RIC1: variants seen among roughly 807,000 people sequenced by gnomAD.
RIC1 encodes the protein RIC1 partner of RAB6A GEF complex.
RIC1 carries 88 observed loss-of-function variants against 169.0 expected under a neutral mutation model. That is an observed-to-expected ratio of 0.52 (90% CI 0.44 to 0.62). RIC1 has a LOEUF of 0.62. Among genes scored for constraint, RIC1 ranks in the 20% least tolerant of loss-of-function variants. The probability of loss-of-function intolerance (pLI) is 0.00; values close to 1 mark genes in which losing one functional copy is unlikely to be tolerated. For synonymous variants in RIC1, 790 were observed against 601.5 expected, an observed-to-expected ratio of 1.31 and a Z score of -4.59; for missense variants, 1,877 against 1,725.5, an observed-to-expected ratio of 1.09 and a Z score of -1.56.
intron 1 of RIC1, among the ~76,000 whole-genome samples, chr9:5,645,027 A>G (rs1818433390): frequency 6.6e-6 from 1 of 152,144 alleles, no homozygotes; most frequent in African/African-American, 2.4e-5. Context: ...ATCTTATTCC[A>G]TTTATATATC....
chr9:5,638,133 T>C (rs903416225), intron 1 of RIC1, among the ~76,000 whole-genome samples: 2 of 152,234 alleles, frequency 1.3e-5, no homozygotes, highest in Non-Finnish European at 2.9e-5. Flanking sequence ...ATTCTGTTGA[T>C]ATGATGTATC....
chr9:5,764,209 TAAG>T (rs1284929850), intron 19 of RIC1, among the ~76,000 whole-genome samples: 2 of 152,320 alleles, frequency 1.3e-5, no homozygotes, highest in South Asian at 2.1e-4. Flanking sequence ...AAATATTACA[TAAG>T]AAACATAGCA....
At chr9:5,742,255 G>A (rs1486397235) in intron 8 of RIC1, among the ~76,000 whole-genome samples, 5 of 152,082 alleles carry the variant, frequency 3.3e-5, no homozygotes, top group African/African-American at 1.2e-4. Flanking sequence ...TTTATCTCCT[G>A]TTCCTAACAT....
At chr9:5,689,459 A>G (rs559712635) in intron 2 of RIC1, among the ~76,000 whole-genome samples, 10 of 152,304 alleles carry the variant, frequency 6.6e-5, no homozygotes, top group African/African-American at 1.9e-4. Context: ...ATCTGGGGCT[A>G]TATTTTGTAG....
At chr9:5,631,323 C>G (rs1341216826) in intron 1 of RIC1, among the ~76,000 whole-genome samples, 2 of 152,060 alleles carry the variant, frequency 1.3e-5, no homozygotes, top group Non-Finnish European at 1.5e-5. Flanking sequence ...AAAAGTTAGG[C>G]TGTAGGGAAC....
intron 2 of RIC1, among the ~76,000 whole-genome samples, chr9:5,679,325 T>G (rs1256501804): frequency 1.3e-5 from 2 of 152,174 alleles, no homozygotes; most frequent in African/African-American, 4.8e-5. Context: ...CAATGCAGGC[T>G]CTTTTTTGGT....
chr9:5,715,319 C>T (rs942244584), intron 4 of RIC1, among the ~76,000 whole-genome samples: 2 of 151,854 alleles, frequency 1.3e-5, no homozygotes, highest in Non-Finnish European at 2.9e-5. Flanking sequence ...TTGTATGGTG[C>T]ATGGAAATAG....
In RIC1 at chr9:5,713,998, C is replaced by T. The variant is rs1481575213; in HGVS notation, c.435C>T (p.Ile145=). The change falls in exon 4 of 26, where the codon ATC becomes ATT. Residue 145 remains isoleucine (I), a synonymous_variant. Coordinates refer to ENST00000414202, the MANE Select transcript of RIC1 (RefSeq NM_020829.4). ...AAATACTGGATTTACAAGCACCCAT[C>T]ATGAGGTACAGTACTTTGGTTAAAT... is the stretch of plus-strand genomic sequence containing the variant. ...MRKILDLQAP[I]MSLQSVLEDL... 1 of 1,602,642 alleles carries T rather than the reference C, an allele frequency of 6.2e-7. No individual in the cohort carries two copies. Among genetic ancestry groups the T allele is most frequent in the Non-Finnish European group, 8.5e-7 (1 of 1,170,970 alleles).
intron 12 of RIC1, among the ~76,000 whole-genome samples, chr9:5,752,196 C>T (rs1053107742): frequency 6.6e-6 from 1 of 152,116 alleles, no homozygotes; most frequent in Non-Finnish European, 1.5e-5. Context: ...AGATGTAAGA[C>T]AGACAACGTG....
rs1295327978 is a variant in RIC1 at position 5,774,491 on chromosome 9, A to G, written c.*245A>G. The G allele has an allele frequency of 6.1e-6, 2 of 330,154 alleles. No individual in the cohort carries two copies. The highest frequency in any genetic ancestry group is 5.5e-6 in the Non-Finnish European group (1 of 183,472). The allele number at this position is 330,154 out of a possible 1,614,324, so 20.5% of individuals were successfully genotyped here. ...AAAAGTAAATATTGTACAGATGTAC[A>G]TGAGAATATTTTGGTTTTACTCAAA... is the stretch of plus-strand genomic sequence containing the variant. On this transcript the variant is annotated 3_prime_UTR_variant, in exon 26 of 26. Coordinates refer to ENST00000414202, the MANE Select transcript of RIC1 (RefSeq NM_020829.4).
chr9:5,637,665 C>T (rs1818036819), intron 1 of RIC1, among the ~76,000 whole-genome samples: 1 of 152,084 alleles, frequency 6.6e-6, no homozygotes, highest in Non-Finnish European at 1.5e-5. Flanking sequence ...ACCATTAGTT[C>T]AATTGTTTTG....
intron 2 of RIC1, among the ~76,000 whole-genome samples, chr9:5,688,598 C>G (rs1407591555): frequency 2.0e-5 from 3 of 151,844 alleles, no homozygotes; most frequent in Non-Finnish European, 4.4e-5. Context: ...GAATTTTCAC[C>G]CTTTTGTTTT....
chr9:5,639,187 G>A (rs7033678), intron 1 of RIC1, among the ~76,000 whole-genome samples: 20,624 of 152,162 alleles, frequency 0.14, 2,411 homozygotes, highest in African/African-American at 0.32. Context: ...ATTCAGGCAT[G>A]AGCCACTATA....
At chr9:5,777,362 C>T (rs1586746749), downstream of RIC1, among the ~76,000 whole-genome samples, 1 of 148,302 alleles carries the variant, frequency 6.7e-6, no homozygotes, top group African/African-American at 2.5e-5. Context: ...TCTAATTCCA[C>T]ACAAAATGGA....
At chr9:5,700,048 G>A (rs1219101221) in intron 3 of RIC1, among the ~76,000 whole-genome samples, 2 of 124,236 alleles carry the variant, frequency 1.6e-5, no homozygotes, top group Non-Finnish European at 3.4e-5. Context: ...CTGGTTTCTT[G>A]TCTCTCAGGG....
chr9:5,666,446 G>A (rs1316307663), intron 2 of RIC1, among the ~76,000 whole-genome samples: 2 of 151,742 alleles, frequency 1.3e-5, no homozygotes, highest in Admixed American at 6.6e-5. Flanking sequence ...GGTAAAAGTG[G>A]GTATCCTTAT....
At chr9:5,729,226 G>C (rs972222184) in intron 6 of RIC1, among the ~76,000 whole-genome samples, 11 of 152,144 alleles carry the variant, frequency 7.2e-5, no homozygotes, top group African/African-American at 2.7e-4. Context: ...GAGGTGGTAG[G>C]GGTGGGGGTG....
At chr9:5,745,530 A>G (rs1825326356) in intron 10 of RIC1, among the ~76,000 whole-genome samples, 1 of 152,170 alleles carries the variant, frequency 6.6e-6, no homozygotes, top group Non-Finnish European at 1.5e-5. Flanking sequence ...ACAAAACTGC[A>G]TCTGTTGTAG....
At chr9:5,737,542 TCTA>T (rs1318772327) in intron 7 of RIC1, among the ~76,000 whole-genome samples, 30 of 150,280 alleles carry the variant, frequency 2.0e-4, no homozygotes, top group African/African-American at 7.0e-4. Flanking sequence ...ATACTGTATA[TCTA>T]CTATATATAT....
Sources: allele counts gnomAD v4.1 joint callset (sites outside exome capture counted in the v4.1 genomes callset), GRCh38; gene constraint gnomAD v4.1.1; transcripts MANE v1.5; gene names NCBI Gene and HGNC (gene_info 2026-07-23, HGNC 2026-07-21).